The following STK3 variants were observed in gnomAD, a reference collection of about 807,000 sequenced individuals.
The protein encoded by STK3 is serine/threonine-protein kinase 3.
STK3 carries 41 observed loss-of-function variants against 58.0 expected under a neutral mutation model. The observed-to-expected ratio is 0.71, with a 90% CI of 0.55 to 0.92. STK3 has a LOEUF of 0.92. Among genes scored for constraint, STK3 ranks in the 40% least tolerant of loss-of-function variants. STK3 has a pLI of 0.00. For missense variants in STK3, 479 were observed against 602.7 expected (o/e 0.79, Z 2.15); for synonymous variants, 170 against 191.0 (o/e 0.89, Z 0.91).
chr8:98,428,452 C>T lies in STK3; in HGVS notation n.483+5675G>A, dbSNP rs770749773. 1.2e-6 allele frequency: 2 copies of T among 1,614,030 alleles called. No homozygotes were observed. The highest frequency in any genetic ancestry group is 1.3e-5 in the African/African-American group (1 of 74,926). Reference sequence around the variant, plus strand: ...GAGATCCTTGCCTTCTACAACGACGCCTCCAAGTTCGATGGGCAGCCCCTC... The same window carrying T: ...GAGATCCTTGCCTTCTACAACGACGTCTCCAAGTTCGATGGGCAGCCCCTC... On this transcript the variant is annotated intron_variant and non_coding_transcript_variant, in intron 3 of 3. Transcript: ENST00000517832. This position sits in a 1 kb window ranked among gnomAD's most constrained non-coding sequence, Gnocchi z 6.7.
chr8:98,630,658 G>GAGA (rs1819118781), intron 6 of STK3, among the ~76,000 whole-genome samples: 1 of 149,568 alleles, frequency 6.7e-6, no homozygotes. Context: ...GAAGGAGAAG[G>GAGA]AGAAGGAGAA....
chr8:98,871,070 A>T (rs1392647293), intron 3 of STK3, among the ~76,000 whole-genome samples: 1 of 152,232 alleles, frequency 6.6e-6, no homozygotes, highest in South Asian at 2.1e-4. Context: ...ATGGCTAGCC[A>T]GTTTTCCCAG....
intron 6 of STK3, among the ~76,000 whole-genome samples, chr8:98,667,812 T>C (rs1363250950): frequency 1.3e-5 from 2 of 152,060 alleles, no homozygotes; most frequent in African/African-American, 4.8e-5. Context: ...ATAAACTTAA[T>C]TGAACTACAA....
At chr8:98,695,212 ATT>A (rs1004504739) in intron 6 of STK3, among the ~76,000 whole-genome samples, 3 of 151,940 alleles carry the variant, frequency 2.0e-5, no homozygotes, top group African/African-American at 7.3e-5. Flanking sequence ...TTTCTTGTAA[ATT>A]TGTTTGAGTT....
intron 4 of STK3, among the ~76,000 whole-genome samples, chr8:98,730,560 T>C (rs778266119): frequency 1.3e-5 from 2 of 151,508 alleles, no homozygotes; most frequent in African/African-American, 4.9e-5. Context: ...CTACTAAAAA[T>C]AGAAAATTAG....
intron 6 of STK3, among the ~76,000 whole-genome samples, chr8:98,613,217 T>G (rs1817337767): frequency 6.6e-6 from 1 of 152,126 alleles, no homozygotes; most frequent in African/African-American, 2.4e-5. Context: ...TCCCTTCCCC[T>G]CTTAAAGTAA....
downstream of STK3, among the ~76,000 whole-genome samples, chr8:98,400,397 T>C (rs1053851822): frequency 1.3e-5 from 2 of 152,214 alleles, no homozygotes; most frequent in African/African-American, 2.4e-5. Context: ...GCAGGTGACA[T>C]GTAGACACAG....
At chr8:98,427,906 G>T in intron 3 of STK3, 1 of 1,305,512 alleles carries the variant, frequency 7.7e-7, no homozygotes, top group Non-Finnish European at 1.0e-6. Context: ...GGCGCACGGC[G>T]CTCTCGCCGA....
intron 8 of STK3, among the ~76,000 whole-genome samples, chr8:98,578,379 TC>T (rs767801031): frequency 1.3e-5 from 2 of 152,248 alleles, no homozygotes; most frequent in African/African-American, 2.4e-5. Context: ...AGATTTTAAG[TC>T]TAGAATACAG....
chr8:98,882,568 C>T (rs1352960489), downstream of STK3: 2 of 152,224 alleles, frequency 1.3e-5, no homozygotes, highest in Non-Finnish European at 2.9e-5. Flanking sequence ...AGGCACACGC[C>T]ACAATGCCCA....
chr8:98,598,355 C>T (rs1816009930), intron 6 of STK3: 1 of 985,160 alleles, frequency 1.0e-6, no homozygotes, highest in Non-Finnish European at 1.2e-6. Flanking sequence ...ATAAAGTGAA[C>T]CTAAAATGTC....
rs1836777489 is a variant in STK3 at position 98,858,339 on chromosome 8, G to GAGAGAC, written c.110+25307_110+25308insGTCTCT. ...ATATATATATAGAGAGAGAGAGAGA[G>GAGAGAC]AGAGAGAGAGAGAGAGAGAGACAGA... On this transcript the variant is annotated intron_variant, in intron 3 of 12. Coordinates refer to the STK3 transcript ENST00000523601. Among the ~76,000 whole-genome samples the GAGAGAC allele has an allele frequency of 1.5e-5, 2 of 130,884 alleles. 1 individual carries two copies. Among genetic ancestry groups the GAGAGAC allele is most frequent in the East Asian group, 4.7e-4 (2 of 4,286 alleles). The allele number at this position is 130,884 out of a possible 152,430, so 85.9% of individuals were successfully genotyped here. A position where few individuals can be genotyped will look rare whatever the true frequency, so the allele number is the denominator to read the frequency against.
At chr8:98,828,671 C>T (rs978346216), upstream of STK3, among the ~76,000 whole-genome samples, 1 of 151,760 alleles carries the variant, frequency 6.6e-6, no homozygotes, top group African/African-American at 2.4e-5. Flanking sequence ...ATAAATGATC[C>T]CTGAATTGTT....
At chr8:98,667,164 T>C (rs1452512894) in intron 6 of STK3, among the ~76,000 whole-genome samples, 2 of 152,188 alleles carry the variant, frequency 1.3e-5, no homozygotes, top group Non-Finnish European at 1.5e-5. Context: ...GGAATTTTCA[T>C]GCAAAACTTC....
At chr8:98,712,148 AG>A (rs1826516189) in intron 4 of STK3, among the ~76,000 whole-genome samples, 1 of 152,262 alleles carries the variant, frequency 6.6e-6, no homozygotes, top group African/African-American at 2.4e-5. Context: ...AAACATGGAA[AG>A]GAACAACCAG....
intron 1 of STK3, among the ~76,000 whole-genome samples, chr8:98,783,968 T>C (rs1373507066): frequency 2.0e-5 from 3 of 152,140 alleles, no homozygotes; most frequent in East Asian, 1.9e-4. Flanking sequence ...TGGCATCCAA[T>C]TGATAAAAGT....
intron 6 of STK3, among the ~76,000 whole-genome samples, chr8:98,603,662 G>T (rs1346129111): frequency 6.6e-6 from 1 of 152,020 alleles, no homozygotes; most frequent in East Asian, 1.9e-4. Flanking sequence ...ATCAATTCAG[G>T]CAAGGAACAC....
chr8:98,694,126 T>A (rs1043383398), intron 6 of STK3, among the ~76,000 whole-genome samples: 2 of 152,204 alleles, frequency 1.3e-5, no homozygotes, highest in African/African-American at 4.8e-5. Flanking sequence ...CTAAAGCATT[T>A]GTTGCATCTA....
chr8:98,470,377 C>T (rs967995877), intron 10 of STK3, among the ~76,000 whole-genome samples: 6 of 152,168 alleles, frequency 3.9e-5, no homozygotes, highest in Admixed American at 6.5e-5. Context: ...GCCCTGCCAC[C>T]GCCAACCCAC....
Sources: gnomAD v4.1 joint callset for allele counts (sites outside exome capture counted in the v4.1 genomes callset) on GRCh38, gnomAD v4.1.1 for gene constraint, Gnocchi (gnomAD v3.1) non-coding constraint, MANE v1.5 for transcripts, NCBI Gene and HGNC (gene_info 2026-07-23, HGNC 2026-07-21) for gene names.